Variants in RP1L1 observed in about 807,000 individuals in gnomAD.
RP1L1 encodes RP1 like 1.
Under a neutral mutation model 15.7 loss-of-function variants are expected in RP1L1, and 27 were observed. The observed-to-expected ratio is 1.72, with a 90% confidence interval of 1.27 to 2.38. The LOEUF (loss-of-function observed/expected upper bound fraction) is 2.38. Among genes scored for constraint, RP1L1 ranks in the 30% most tolerant of loss-of-function variants. The pLI is 0.00. For synonymous variants in RP1L1, 1,813 were observed against 1,276.7 expected (o/e 1.42, Z -8.96); for missense variants, 4,798 against 3,075.9 (o/e 1.56, Z -13.24).
rs772888738 is a variant in RP1L1, at chr8:10,612,273, C to T, written c.1825G>A (p.Glu609Lys). ...CAGGAAAGGCCCAGAACCAGAGGCT[C>T]CCTTGTCACAGCCGCTCCCGTGGCC... ...EQATGAAVTR[E>K]PLVLGLSCSW... The change falls in exon 4 of 4, where the codon GAG becomes AAG. Residue 609 changes from glutamate to lysine, a missense_variant. By Grantham distance (56) the Glu-to-Lys change is moderately conservative (BLOSUM62 1). Transcript: ENST00000382483. 2 of 1,613,114 alleles carry T rather than the reference C, an allele frequency of 1.2e-6. No individual in the cohort carries two copies. The highest frequency in any genetic ancestry group is 1.3e-5 in the African/African-American group (1 of 74,934).
At position 10,613,022 on chromosome 8, in the gene RP1L1, A is replaced by T; in HGVS notation, c.1076T>A (p.Leu359Gln). 1 of 1,613,512 alleles carries T rather than the reference A, an allele frequency of 6.2e-7. No individual in the cohort carries two copies. The highest frequency in any genetic ancestry group is 8.5e-7 in the Non-Finnish European group (1 of 1,179,992). The change falls in exon 4 of 4, where the codon CTG (leucine) becomes CAG (glutamine). Residue 359 changes from leucine (L) to glutamine (Q), a missense_variant. By Grantham distance (113) the Leu-to-Gln change is moderately radical. Coordinates refer to ENST00000382483, the MANE Select transcript of RP1L1 (RefSeq NM_178857.6). ...ACAGCAGAGGGGGTCTACCTCCCCC[A>T]GAACGGGGTCTTCCCCACTGGCTGC... is the stretch of plus-strand genomic sequence containing the variant. Reference protein sequence around the residue: ...LTAASGEDPVLGEVDPLCCVW... With the variant: ...LTAASGEDPVQGEVDPLCCVW...
intron 1 of RP1L1, among the ~76,000 whole-genome samples, chr8:10,652,414 G>C (rs999705135): frequency 1.3e-5 from 2 of 152,170 alleles, no homozygotes; most frequent in Non-Finnish European, 2.9e-5. Context: ...AGAGAAAGCA[G>C]ATTATACATG....
intron 1 of RP1L1, among the ~76,000 whole-genome samples, chr8:10,652,152 C>T (rs1798572155): frequency 6.6e-6 from 1 of 152,176 alleles, no homozygotes; most frequent in Non-Finnish European, 1.5e-5. Context: ...GATGACACAG[C>T]TGTCTAACAA....
chr8:10,609,875 T>A lies in RP1L1; in HGVS notation c.4223A>T (p.Gln1408Leu), dbSNP rs758358467. ...CGGAGAGCTGGCCTCTGACAATTCC[T>A]GCCCGTGGACGCTTCCTTCTTCTGG... ...GLPEEGSVHG[Q>L]ELSEASSPDG... The change falls in exon 4 of 4, where the codon CAG (glutamine) becomes CTG (leucine). Residue 1408 changes from glutamine (Q) to leucine (L), a missense_variant. Coordinates refer to ENST00000382483, the MANE Select transcript of RP1L1 (RefSeq NM_178857.6). 6.2e-7 allele frequency: 1 copy of A among 1,614,062 alleles called. No homozygotes were observed. Among genetic ancestry groups the A allele is most frequent in the African/African-American group, 1.3e-5 (1 of 74,926 alleles).
At chr8:10,651,038 A>G (rs75539229) in intron 1 of RP1L1, among the ~76,000 whole-genome samples, 2 of 152,232 alleles carry the variant, frequency 1.3e-5, no homozygotes, top group East Asian at 1.9e-4. Context: ...GTGCTCTGGG[A>G]TAATTTGTCT....
rs370028633 is a variant in RP1L1, at chr8:10,610,243, C to T, written c.3855G>A (p.Ala1285=). 2.9e-4 allele frequency: 472 copies of T among 1,613,606 alleles called. No individual in the cohort carries two copies. The highest frequency in any genetic ancestry group is 3.7e-4 in the Non-Finnish European group (438 of 1,179,836). Residue 1285 remains alanine (A), a synonymous_variant, in exon 4 of 4, where the codon GCG becomes GCA. Transcript: ENST00000382483. ...EAERDSEEQR[A]SSNLEQLAEN... Reference sequence around the variant, plus strand: ...CAGCTAACTGCTCCAGGTTCGAGCTCGCCCTCTGCTCCTCACTGTCTCTTT... The same window carrying T: ...CAGCTAACTGCTCCAGGTTCGAGCTTGCCCTCTGCTCCTCACTGTCTCTTT...
rs770516421 is a variant in RP1L1, at chr8:10,612,874, C to A, written c.1224G>T (p.Trp408Cys). 6.2e-7 allele frequency: 1 copy of A among 1,613,032 alleles called. No individual in the cohort carries two copies. Among genetic ancestry groups the A allele is most frequent in the South Asian group, 1.1e-5 (1 of 91,082 alleles). The change falls in exon 4 of 4, where the codon TGG becomes TGT. Residue 408 changes from tryptophan (W) to cysteine (C), a missense_variant. Coordinates refer to ENST00000382483, the MANE Select transcript of RP1L1 (RefSeq NM_178857.6). ...CCTGGGAGGCATGCAGGGGATTCGT[C>A]CAGATTTCATACTTGGGCCCTGGCT... is the stretch of plus-strand genomic sequence containing the variant. ...GGQPGPKYEI[W>C]TNPLHASQGE...
At position 10,622,869 on chromosome 8, in the gene RP1L1, C is replaced by A. The variant is rs1250935949; in HGVS notation, c.333G>T (p.Lys111Asn). ...CYLCSDKKPP[K>N]TPSGPGRPQE... ...GTGGCCGGCCTGGTCCACTGGGGGT[C>A]TTGGGGGGCTTCTTATCAGAGCAGA... Residue 111 changes from lysine to asparagine, a missense_variant, in exon 2 of 4, where the codon AAG (lysine) becomes AAT (asparagine). By Grantham distance (94) the Lys-to-Asn change is moderately conservative (BLOSUM62 0). Transcript: ENST00000382483. 6.2e-7 allele frequency: 1 copy of A among 1,613,284 alleles called. No homozygotes were observed. The highest frequency in any genetic ancestry group is 8.5e-7 in the Non-Finnish European group (1 of 1,179,512).
chr8:10,613,353 C>A lies in RP1L1; in HGVS notation c.752-7G>T. The A allele has an allele frequency of 6.3e-7, 1 of 1,599,400 alleles. No homozygotes were observed. Among genetic ancestry groups the A allele is most frequent in the Non-Finnish European group, 8.5e-7 (1 of 1,179,898 alleles). On this transcript the variant is annotated splice_region_variant and splice_polypyrimidine_tract_variant and intron_variant, in intron 3 of 3. Transcript: ENST00000382483. Reference sequence around the variant, plus strand: ...GTCTTTGGCCCCCAGCTCCCTGGCACGCAGTGAAGAGGAAAAGAAAAGAAG... The same window carrying A: ...GTCTTTGGCCCCCAGCTCCCTGGCAAGCAGTGAAGAGGAAAAGAAAAGAAG...
At chr8:10,645,851 T>C (rs1295155824) in intron 1 of RP1L1, among the ~76,000 whole-genome samples, 2 of 151,300 alleles carry the variant, frequency 1.3e-5, no homozygotes, top group African/African-American at 4.9e-5. Flanking sequence ...TGCACCAGGC[T>C]CCACATGGCA....
Position 10,609,896 on chromosome 8 carries a change from T to G in RP1L1, c.4202A>C (p.Glu1401Ala). Reference protein sequence around the residue: ...EEGLKEEGLPEEGSVHGQELS... With the variant: ...EEGLKEEGLPAEGSVHGQELS... ...TTCCTGCCCGTGGACGCTTCCTTCT[T>G]CTGGAAGTCCTTCCTCTTTGAGACC... Residue 1401 changes from glutamate to alanine, a missense_variant, in exon 4 of 4, where the codon GAA (glutamate) becomes GCA (alanine). Glu to Ala is a moderately radical substitution (Grantham distance 107). Transcript: ENST00000382483. The G allele has an allele frequency of 1.2e-6, 2 of 1,614,206 alleles. No individual in the cohort carries two copies. Among genetic ancestry groups the G allele is most frequent in the Middle Eastern group, 1.6e-4 (1 of 6,062 alleles).
chr8:10,622,891 C>T lies in RP1L1; in HGVS notation c.311G>A (p.Cys104Tyr), dbSNP rs752516079. 1 of 1,613,788 alleles carries T rather than the reference C, an allele frequency of 6.2e-7. No individual in the cohort carries two copies. Among genetic ancestry groups the T allele is most frequent in the Non-Finnish European group, 8.5e-7 (1 of 1,179,854 alleles). The change falls in exon 2 of 4, where the codon TGC becomes TAC. Residue 104 changes from cysteine (C) to tyrosine (Y), a missense_variant. Cys to Tyr is a radical substitution (Grantham distance 194). Coordinates refer to ENST00000382483, the MANE Select transcript of RP1L1 (RefSeq NM_178857.6). ...GGTCTTGGGGGGCTTCTTATCAGAG[C>T]AGAGGTAGCAGCCTCCATCTTCCAG... ...EQLEDGGCYL[C>Y]SDKKPPKTPS...
At chr8:10,625,348 C>T (rs540177617) in intron 1 of RP1L1, among the ~76,000 whole-genome samples, 1 of 152,194 alleles carries the variant, frequency 6.6e-6, no homozygotes, top group Non-Finnish European at 1.5e-5. Context: ...CAGTACCACT[C>T]ACCTGGGGCG....
chr8:10,638,625 T>C (rs1299256165), intron 1 of RP1L1, among the ~76,000 whole-genome samples: 1 of 152,112 alleles, frequency 6.6e-6, no homozygotes, highest in Non-Finnish European at 1.5e-5. Context: ...TCCCCATTTA[T>C]AGTCACTTGA....
At chr8:10,646,501 A>G (rs555344001) in intron 1 of RP1L1, among the ~76,000 whole-genome samples, 5 of 152,164 alleles carry the variant, frequency 3.3e-5, no homozygotes, top group Non-Finnish European at 7.4e-5. Context: ...GCCAGAGAAA[A>G]GGTGACGCAG....
In RP1L1 at chr8:10,622,881, C is replaced by G; in HGVS notation, c.321G>C (p.Lys107Asn). The change falls in exon 2 of 4, where the codon AAG (lysine) becomes AAC (asparagine). Residue 107 changes from lysine (K) to asparagine (N), a missense_variant. Transcript: ENST00000382483. ...GTCCACTGGGGGTCTTGGGGGGCTT[C>G]TTATCAGAGCAGAGGTAGCAGCCTC... ...EDGGCYLCSD[K>N]KPPKTPSGPG... The G allele has an allele frequency of 1.9e-6, 3 of 1,613,612 alleles. No individual in the cohort carries two copies. The highest frequency in any genetic ancestry group is 2.5e-6 in the Non-Finnish European group (3 of 1,179,726).
In RP1L1 at chr8:10,608,010, C is replaced by T; in HGVS notation, c.6088G>A (p.Glu2030Lys). Residue 2030 changes from glutamate (E) to lysine (K), a missense_variant, in exon 4 of 4, where the codon GAA becomes AAA. By Grantham distance (56) the Glu-to-Lys change is moderately conservative. Coordinates refer to ENST00000382483, the MANE Select transcript of RP1L1 (RefSeq NM_178857.6). ...SDGVEAQPKSEGEEAQEVEGE... is the reference protein window; with the variant it reads ...SDGVEAQPKSKGEEAQEVEGE... The stretch of plus-strand genomic sequence containing the variant: ...TCAACCTCCTGGGCCTCTTCACCTT[C>T]TGACTTTGGCTGGGCCTCTACACCG... The T allele has an allele frequency of 1.2e-6, 2 of 1,613,214 alleles. No individual in the cohort carries two copies. Among genetic ancestry groups the T allele is most frequent in the Non-Finnish European group, 1.7e-6 (2 of 1,179,712 alleles).
intron 1 of RP1L1, among the ~76,000 whole-genome samples, chr8:10,629,197 C>A (rs1418338580): frequency 6.6e-6 from 1 of 152,188 alleles, no homozygotes; most frequent in Non-Finnish European, 1.5e-5. Context: ...ATGGAGGAAA[C>A]ATATAAACAG....
intron 3 of RP1L1, 28 bp from the exon 4 acceptor site, chr8:10,613,374 A>T: frequency 1.9e-6 from 3 of 1,598,934 alleles, no homozygotes; most frequent in Non-Finnish European, 2.5e-6. Flanking sequence ...GGAAAAGAAA[A>T]GAAGAAAAGA....
Sources: gnomAD v4.1 joint callset for allele counts (sites outside exome capture counted in the v4.1 genomes callset) on GRCh38, gnomAD v4.1.1 for gene constraint, MANE v1.5 for transcripts, NCBI Gene and HGNC (gene_info 2026-07-23, HGNC 2026-07-21) for gene names.